Variants in CNGB1 observed in about 807,000 individuals in gnomAD.
CNGB1 encodes cyclic nucleotide gated channel subunit beta 1.
In CNGB1, 126 loss-of-function variants were observed where a neutral mutation model predicts 151.7. The ratio of observed to expected loss-of-function variants is 0.83; its 90% CI spans 0.72 to 0.96. The LOEUF is 0.96. CNGB1 is among the 40% of genes least tolerant of loss of function. The pLI is 0.00. For synonymous variants in CNGB1, 623 were observed against 635.1 expected, an observed-to-expected ratio of 0.98 and a Z score of 0.29; for missense variants, 1,698 against 1,627.0, an observed-to-expected ratio of 1.04 and a Z score of -0.75.
intron 4 of CNGB1, 163 bp downstream of exon 4, chr16:57,963,967 G>A (rs1962324705): frequency 1.6e-6 from 1 of 639,652 alleles, no homozygotes; most frequent in Non-Finnish European, 2.7e-6. Flanking sequence ...CCCTCCACCT[G>A]AAGCTCACTT....
At chr16:57,931,968 A>G in intron 16 of CNGB1, 90 bp from the exon 17 acceptor site, 1 of 1,437,980 alleles carries the variant, frequency 7.0e-7, no homozygotes, top group East Asian at 2.3e-5. Flanking sequence ...AACCAGAGAA[A>G]GCATGTTTGG....
chr16:57,910,862 A>G (rs758850824), intron 25 of CNGB1, among the ~76,000 whole-genome samples: 7 of 152,146 alleles, frequency 4.6e-5, no homozygotes, highest in Non-Finnish European at 8.8e-5. Flanking sequence ...CACCTTGCAC[A>G]CATGTCATCA....
At chr16:57,891,354 A>G (rs1362768606) in intron 31 of CNGB1, among the ~76,000 whole-genome samples, 1 of 152,128 alleles carries the variant, frequency 6.6e-6, no homozygotes, top group African/African-American at 2.4e-5. Context: ...ACCATAATAC[A>G]TGAACTTGGC....
chr16:57,902,334 G>C (rs1448459972), intron 27 of CNGB1, among the ~76,000 whole-genome samples: 1 of 152,074 alleles, frequency 6.6e-6, no homozygotes, highest in Non-Finnish European at 1.5e-5. Flanking sequence ...GCCTCCCAAA[G>C]TGCTGGGATT....
intron 16 of CNGB1, among the ~76,000 whole-genome samples, chr16:57,934,133 G>A (rs990471498): frequency 2.0e-5 from 3 of 152,082 alleles, no homozygotes; most frequent in Non-Finnish European, 4.4e-5. Flanking sequence ...CTGGAGAAGA[G>A]GATGAGCAGG....
intron 12 of CNGB1, 83 bp downstream of exon 12, chr16:57,957,258 C>T: frequency 7.4e-7 from 1 of 1,356,326 alleles, no homozygotes; most frequent in Non-Finnish European, 1.1e-6. Flanking sequence ...GGGACAGCCC[C>T]CCTGCCCACA....
chr16:57,939,799 G>A (rs950433434), intron 15 of CNGB1, among the ~76,000 whole-genome samples: 5 of 152,182 alleles, frequency 3.3e-5, no homozygotes, highest in African/African-American at 4.8e-5. Flanking sequence ...CAGGACCTAC[G>A]GGTCCTAACA....
intron 22 of CNGB1, 34 bp from the exon 23 acceptor site, chr16:57,915,369 C>A (rs372863633): frequency 1.1e-5 from 17 of 1,527,728 alleles, no homozygotes; most frequent in Admixed American, 1.7e-5. Flanking sequence ...GGGGGTAAAA[C>A]GGATGACTCC....
At position 57,917,466 on chromosome 16, in the gene CNGB1, A is replaced by G. The variant is rs1346058066; in HGVS notation, c.1968T>C (p.Tyr656=). ...QSIDPLTNLM[Y]VLWLFFVVMA... is the part of the protein sequence containing the mutation. ...TCACCACGAAGAACAGCCATAGGAC[A>G]TACATCAGGTCTGTGGGGAAGGTTG... The change falls in exon 21 of 33, where the codon TAT becomes TAC. Residue 656 remains tyrosine, a synonymous_variant. Transcript: ENST00000251102. 2 of 1,613,986 alleles carry G rather than the reference A, an allele frequency of 1.2e-6. No individual in the cohort carries two copies. The highest frequency in any genetic ancestry group is 8.5e-7 in the Non-Finnish European group (1 of 1,180,038).
chr16:57,922,997 T>C, intron 18 of CNGB1: 2 of 356,632 alleles, frequency 5.6e-6, no homozygotes, highest in South Asian at 5.2e-5. Flanking sequence ...CAGCCTCTCC[T>C]TCACAAGGGG....
rs1294143725 is a variant in CNGB1 at position 57,915,322 on chromosome 16, C to G, written c.2231G>C (p.Ser744Thr). The G allele has an allele frequency of 6.2e-7, 1 of 1,613,848 alleles. No individual in the cohort carries two copies. Among genetic ancestry groups the G allele is most frequent in the Non-Finnish European group, 8.5e-7 (1 of 1,179,890 alleles). Residue 744 changes from serine (S) to threonine (T), a missense_variant, in exon 23 of 33, where the codon AGC becomes ACC. Transcript: ENST00000251102. ...KSRRFKMDLLSLLPLDFLYLK... is the reference protein window; with the variant it reads ...KSRRFKMDLLTLLPLDFLYLK... ...ATAGAGAAAATCCAAGGGCAGGAGGCTGAGCAGGTCCATCTGAAATCCCAG... is the reference window on the plus strand; with the variant it reads ...ATAGAGAAAATCCAAGGGCAGGAGGGTGAGCAGGTCCATCTGAAATCCCAG...
intron 31 of CNGB1, among the ~76,000 whole-genome samples, chr16:57,888,459 C>T (rs1199737208): frequency 2.7e-5 from 4 of 146,780 alleles, no homozygotes; most frequent in African/African-American, 1.1e-4. Context: ...CTCTCTGTCT[C>T]TGTCTCTGTC....
At position 57,904,793 on chromosome 16, in the gene CNGB1, C is replaced by T. The variant is rs1308416277; in HGVS notation, c.2575G>A (p.Val859Ile). The T allele has an allele frequency of 2.5e-6, 4 of 1,614,038 alleles. No individual in the cohort carries two copies. The highest frequency in any genetic ancestry group is 1.6e-4 in the Middle Eastern group (1 of 6,084). The change falls in exon 26 of 33, where the codon GTC becomes ATC. Residue 859 changes from valine (V) to isoleucine (I), a missense_variant. Coordinates refer to ENST00000251102, the MANE Select transcript of CNGB1 (RefSeq NM_001297.5). ...LPDPKTLFEIVFQLLNYFTGV... is the reference protein window; with the variant it reads ...LPDPKTLFEIIFQLLNYFTGV... Reference sequence around the variant, plus strand: ...GTGAAATAATTCAGCAGCTGGAAGACAATTTCAAAGAGTGTCTTGGGGTCA... The same window carrying T: ...GTGAAATAATTCAGCAGCTGGAAGATAATTTCAAAGAGTGTCTTGGGGTCA...
chr16:57,903,914 A>G lies in CNGB1; in HGVS notation c.2702T>C (p.Val901Ala), dbSNP rs1960460189. ...TYYRSCMDST[V>A]KYMNFYKIPK... The stretch of plus-strand genomic sequence containing the variant: ...GATCTTGTAGAAATTCATGTACTTC[A>G]CCGTGCTGTCCATGCAGCTGCGGTA... Residue 901 changes from valine to alanine, a missense_variant, in exon 27 of 33, where the codon GTG (valine) becomes GCG (alanine). Transcript: ENST00000251102. 2 of 1,613,918 alleles carry G rather than the reference A, an allele frequency of 1.2e-6. No individual in the cohort carries two copies. Among genetic ancestry groups the G allele is most frequent in the African/African-American group, 2.7e-5 (2 of 74,876 alleles).
At chr16:57,962,948 C>G in intron 5 of CNGB1, 26 bp downstream of exon 5, 1 of 1,612,740 alleles carries the variant, frequency 6.2e-7, no homozygotes, top group South Asian at 1.1e-5. Flanking sequence ...CAACCCGGCC[C>G]CTTCAGCCTC....
chr16:57,884,476 G>A lies in CNGB1; in HGVS notation c.3463-19C>T. 6.2e-7 allele frequency: 1 copy of A among 1,613,282 alleles called. No homozygotes were observed. Among genetic ancestry groups the A allele is most frequent in the African/African-American group, 1.3e-5 (1 of 74,994 alleles). On this transcript the variant is annotated intron_variant, in intron 32 of 32. Transcript: ENST00000251102. ...TCTTGGCCTGGAATCCAGAAAGGGT[G>A]ACTCGTGAGGCACAGACTCTCGGAG... is the stretch of plus-strand genomic sequence containing the variant.
intron 26 of CNGB1, among the ~76,000 whole-genome samples, chr16:57,904,354 T>G (rs1960479983): frequency 6.6e-6 from 1 of 152,150 alleles, no homozygotes; most frequent in African/African-American, 2.4e-5. Flanking sequence ...GTGCTGTTCC[T>G]CGGGGCGGGG....
intron 13 of CNGB1, 39 bp downstream of exon 13, chr16:57,950,342 A>G (rs1299546787): frequency 1.2e-6 from 2 of 1,613,088 alleles, no homozygotes; most frequent in South Asian, 1.1e-5. Context: ...ACTTTCTCAA[A>G]CAATAACTAA....
chr16:57,943,862 G>A (rs1340319692), intron 14 of CNGB1, among the ~76,000 whole-genome samples: 2 of 152,020 alleles, frequency 1.3e-5, no homozygotes, highest in African/African-American at 4.8e-5. Context: ...ACGTTGAAGA[G>A]GTGTCTGCAC....
Sources: gnomAD v4.1 joint callset for allele counts (sites outside exome capture counted in the v4.1 genomes callset) on GRCh38, gnomAD v4.1.1 for gene constraint, MANE v1.5 for transcripts, NCBI Gene and HGNC (gene_info 2026-07-23, HGNC 2026-07-21) for gene names.